Variants in MAG observed in about 807,000 individuals in gnomAD.
MAG encodes the protein myelin-associated glycoprotein.
In MAG, 30 loss-of-function variants were observed where a neutral mutation model predicts 60.7. The observed-to-expected ratio is 0.49, with a 90% CI of 0.37 to 0.67. MAG has a LOEUF of 0.67. MAG is among the 30% of genes least tolerant of loss of function. The pLI, the probability that MAG is intolerant of heterozygous loss-of-function variation, is 0.00. For synonymous variants in MAG, 384 were observed against 376.8 expected, an observed-to-expected ratio of 1.02 and a Z score of -0.22; for missense variants, 795 against 851.7, an observed-to-expected ratio of 0.93 and a Z score of 0.83.
At chr19:35,292,694 T>C (rs887688423) in intron 1 of MAG, among the ~76,000 whole-genome samples, 2 of 151,900 alleles carry the variant, frequency 1.3e-5, no homozygotes, top group Admixed American at 1.3e-4. Flanking sequence ...TGGCTGCCCA[T>C]GCACCTTCCT....
At chr19:35,302,779 C>A in intron 7 of MAG, 71 bp downstream of exon 7, 2 of 1,558,568 alleles carry the variant, frequency 1.3e-6, no homozygotes, top group Non-Finnish European at 8.7e-7. Flanking sequence ...ACTGTGGGTG[C>A]CCACGCATCC....
chr19:35,299,043 C>CCA (rs112793426), intron 4 of MAG, among the ~76,000 whole-genome samples: 38,352 of 148,964 alleles, frequency 0.26, 5,086 homozygotes, highest in Middle Eastern at 0.4. Flanking sequence ...CACACCCACA[C>CCA]CACACACACA....
intron 4 of MAG, among the ~76,000 whole-genome samples, chr19:35,297,183 C>A (rs2066404592): frequency 7.6e-6 from 1 of 131,678 alleles, no homozygotes. Flanking sequence ...ATTACAAAAA[C>A]TCACCACACA....
At chr19:35,302,282 G>A (rs1445263103) in intron 6 of MAG, among the ~76,000 whole-genome samples, 166 bp from the exon 7 acceptor site, 2 of 152,190 alleles carry the variant, frequency 1.3e-5, no homozygotes, top group African/African-American at 4.8e-5. Flanking sequence ...TGGCTACCAA[G>A]CTGCTGTTCT....
In MAG at chr19:35,309,928, A is replaced by G. The variant is rs373284746; in HGVS notation, c.1286A>G (p.Gln429Arg). 3.7e-6 allele frequency: 6 copies of G among 1,613,782 alleles called. No homozygotes were observed. The African/African-American group carries it at 5.3e-5, about 14-fold the overall frequency. The change falls in exon 8 of 11, where the codon CAG becomes CGG. Residue 429 changes from glutamine (Q) to arginine (R), a missense_variant. Gln to Arg is a conservative substitution (Grantham distance 43). Coordinates refer to ENST00000392213, the MANE Select transcript of MAG (RefSeq NM_002361.4). ...SHCAAARDTV[Q>R]CLCVVKSNPE... ...TGCGCGGCAGCCCGAGACACGGTGC[A>G]GTGCCTGTGCGTGGTGAAGTCCAAC...
Position 35,313,458 on chromosome 19 carries a change from AGCTGGGGGCAG to A in MAG, c.*5_*15del. On this transcript the variant is annotated 3_prime_UTR_variant, in exon 11 of 11. Coordinates refer to ENST00000392213, the MANE Select transcript of MAG (RefSeq NM_002361.4). ...TGCTGAAATCCGGGTCAAGTGAAGGAGCTGGGGGCAGCCTGCGTGGCTGACCCCCCTCAGGA... is the reference window on the plus strand; with the variant it reads ...TGCTGAAATCCGGGTCAAGTGAAGGACCTGCGTGGCTGACCCCCCTCAGGA... 6.2e-7 allele frequency: 1 copy of A among 1,609,030 alleles called. No individual in the cohort carries two copies. The highest frequency in any genetic ancestry group is 8.5e-7 in the Non-Finnish European group (1 of 1,177,672).
intron 4 of MAG, among the ~76,000 whole-genome samples, chr19:35,298,348 T>C: frequency 7.6e-6 from 1 of 132,252 alleles, no homozygotes; most frequent in South Asian, 2.5e-4. Flanking sequence ...ACACTCTACC[T>C]ACACACTACC....
intron 7 of MAG, among the ~76,000 whole-genome samples, chr19:35,309,362 AGGGTCAGGGTAT>A (rs1489316499): frequency 6.6e-6 from 1 of 152,124 alleles, no homozygotes; most frequent in Admixed American, 6.5e-5. Flanking sequence ...CACGTCCGTG[AGGGTCAGGGTAT>A]GGGTTTACAT....
chr19:35,300,810 C>T (rs2066443329), intron 6 of MAG, among the ~76,000 whole-genome samples: 1 of 152,180 alleles, frequency 6.6e-6, no homozygotes, highest in African/African-American at 2.4e-5. Flanking sequence ...GCACCACTTG[C>T]CCTCAAACTC....
At chr19:35,308,130 C>T (rs2066498451) in intron 7 of MAG, among the ~76,000 whole-genome samples, 1 of 152,012 alleles carries the variant, frequency 6.6e-6, no homozygotes, top group African/African-American at 2.4e-5. Flanking sequence ...AGGGTGAGTG[C>T]TGGGGAGGAG....
Position 35,293,223 on chromosome 19 carries a change from AGT to A in MAG, c.-79-1002_-79-1001del, listed in dbSNP as rs140448503. On this transcript the variant is annotated intron_variant, in intron 1 of 10. Transcript: ENST00000392213. This position sits in a 1 kb window ranked among gnomAD's most constrained non-coding sequence, Gnocchi z 4.0. ...AGTGGACGCGTCTATAGCCATCCTC[AGT>A]GTGTGTGTGCAGTTCCTTGCATCTT... Among the ~76,000 whole-genome samples, 1 of 150,860 alleles carries A rather than the reference AGT, an allele frequency of 6.6e-6. No homozygotes were observed. Among genetic ancestry groups the A allele is most frequent in the Non-Finnish European group, 1.5e-5 (1 of 67,694 alleles).
chr19:35,297,471 GCCACACACACA>G (rs2066408578), intron 4 of MAG, among the ~76,000 whole-genome samples: 1 of 91,324 alleles, frequency 1.1e-5, no homozygotes, highest in Non-Finnish European at 2.2e-5. Context: ...CACTGCACAT[GCCACACACACA>G]CTACCCACAC....
chr19:35,309,717 T>G (rs946389403), intron 7 of MAG, 157 bp from the exon 8 acceptor site: 1 of 807,936 alleles, frequency 1.2e-6, no homozygotes, highest in Non-Finnish European at 2.0e-6. Context: ...GCGCTCTCAG[T>G]CAGGACAGAG....
chr19:35,304,472 G>A (rs929042340), intron 7 of MAG, among the ~76,000 whole-genome samples: 6 of 152,160 alleles, frequency 3.9e-5, no homozygotes, highest in African/African-American at 9.7e-5. Context: ...ATGCGCGTTA[G>A]GGGCCTGCCC....
chr19:35,304,270 G>A (rs1212506586), intron 7 of MAG, among the ~76,000 whole-genome samples: 2 of 152,114 alleles, frequency 1.3e-5, no homozygotes, highest in Non-Finnish European at 1.5e-5. Flanking sequence ...CCAACTGTGC[G>A]TGCTATCCTG....
chr19:35,298,150 A>G (rs1469576170), intron 4 of MAG, among the ~76,000 whole-genome samples: 1 of 147,392 alleles, frequency 6.8e-6, no homozygotes, highest in African/African-American at 2.5e-5. Flanking sequence ...CCACACATCA[A>G]ACACACACTA....
intron 6 of MAG, among the ~76,000 whole-genome samples, chr19:35,301,199 T>C (rs1034579199): frequency 3.9e-5 from 6 of 152,046 alleles, no homozygotes; most frequent in African/African-American, 1.2e-4. Flanking sequence ...TGAATTCCAT[T>C]GTAGTTCTAA....
At chr19:35,312,275 C>T in intron 10 of MAG, 1 of 1,613,542 alleles carries the variant, frequency 6.2e-7, no homozygotes, top group Non-Finnish European at 8.5e-7. Flanking sequence ...TTTCCTTCTC[C>T]AATAGTCCAA....
At chr19:35,292,540 T>A (rs2066364560) in intron 1 of MAG, among the ~76,000 whole-genome samples, 1 of 151,958 alleles carries the variant, frequency 6.6e-6, no homozygotes, top group Non-Finnish European at 1.5e-5. Flanking sequence ...GGCCGAAGAA[T>A]GGAAGGATGT....
Sources: allele counts gnomAD v4.1 joint callset (sites outside exome capture counted in the v4.1 genomes callset), GRCh38; gene constraint gnomAD v4.1.1; non-coding constraint Gnocchi (gnomAD v3.1); transcripts MANE v1.5; gene names NCBI Gene and HGNC (gene_info 2026-07-23, HGNC 2026-07-21).